Variants in SGCZ observed in about 807,000 individuals in gnomAD.
SGCZ encodes zeta-sarcoglycan.
A neutral mutation model predicts 41.3 loss-of-function variants in SGCZ; 40 were observed. The ratio of observed to expected loss-of-function variants is 0.97; its 90% CI spans 0.75 to 1.26. The LOEUF (loss-of-function observed/expected upper bound fraction) is 1.26, where lower values mean the gene tolerates loss of function less well. SGCZ is among the 50% of genes most tolerant of loss of function. SGCZ has a pLI of 0.00. For missense variants in SGCZ, 552 were observed against 369.8 expected (o/e 1.49, Z -4.04); for synonymous variants, 206 against 137.5 (o/e 1.50, Z -3.49).
intron 1 of SGCZ, among the ~76,000 whole-genome samples, chr8:15,131,783 T>A (rs1440476537): frequency 2.0e-5 from 3 of 152,124 alleles, no homozygotes; most frequent in Admixed American, 1.3e-4. Flanking sequence ...AAACTAGCCA[T>A]GAGGCTGGCA....
At chr8:14,206,346 A>G (rs1243960141) in intron 4 of SGCZ, among the ~76,000 whole-genome samples, 2 of 152,188 alleles carry the variant, frequency 1.3e-5, no homozygotes, top group Non-Finnish European at 2.9e-5. Context: ...CCAGTCAATT[A>G]TTTGGTACTT....
intron 1 of SGCZ, among the ~76,000 whole-genome samples, chr8:14,811,948 C>A (rs1801750794): frequency 6.6e-6 from 1 of 151,776 alleles, no homozygotes; most frequent in Admixed American, 6.6e-5. Flanking sequence ...AATTAATTAT[C>A]CTGAGCTGGA....
rs1447011952 is a variant in SGCZ, at chr8:14,886,034, TAA to T, written c.40-331110_40-331109del. Among the ~76,000 whole-genome samples the T allele has an allele frequency of 3.6e-5, 4 of 112,402 alleles. No individual in the cohort carries two copies. The East Asian group carries it at 8.1e-4, about 23-fold the overall frequency. The allele number at this position is 112,402 out of a possible 152,430, so 73.7% of individuals were successfully genotyped here. A position where few individuals can be genotyped will look rare whatever the true frequency, so the allele number is the denominator to read the frequency against. On this transcript the variant is annotated intron_variant, in intron 1 of 7. Transcript: ENST00000382080. Reference sequence around the variant, plus strand: ...ATATATATATATATATATATATATATAAAATTGTATACTTAGCTTTTTCACTT... The same window carrying T: ...ATATATATATATATATATATATATATAATTGTATACTTAGCTTTTTCACTT...
intron 1 of SGCZ, among the ~76,000 whole-genome samples, chr8:15,071,141 T>C (rs549332664): frequency 1.6e-4 from 24 of 152,178 alleles, no homozygotes; most frequent in Non-Finnish European, 3.1e-4. Flanking sequence ...AAGTTCCCTA[T>C]TTAATTTATA....
intron 1 of SGCZ, among the ~76,000 whole-genome samples, chr8:14,781,529 TA>T (rs1800587428): frequency 6.6e-6 from 1 of 152,008 alleles, no homozygotes; most frequent in African/African-American, 2.4e-5. Context: ...ACGCCCAGAC[TA>T]AAAATATGTT....
At chr8:14,883,785 T>G (rs1032068995) in intron 1 of SGCZ, among the ~76,000 whole-genome samples, 1 of 151,094 alleles carries the variant, frequency 6.6e-6, no homozygotes, top group African/African-American at 2.4e-5. Flanking sequence ...TGTTTTTTTT[T>G]TTTTTTTTTT....
rs149102967 is a variant in SGCZ, at chr8:14,954,491, T to C, written c.39+283094A>G. On this transcript the variant is annotated intron_variant, in intron 1 of 7. Coordinates refer to ENST00000382080, the MANE Select transcript of SGCZ (RefSeq NM_139167.4). ...GCAGCTTGTTAAAACCAGTAAAAGA[T>C]GGCAAAGTTATGTAATGCAGCTTCC... Among the ~76,000 whole-genome samples, 602 of 152,254 alleles carry C rather than the reference T, an allele frequency of 4.0e-3. 5 individuals are homozygous for C. The highest frequency in any genetic ancestry group is 0.014 in the African/African-American group (576 of 41,560).
At chr8:14,489,746 G>C (rs922333672) in intron 2 of SGCZ, among the ~76,000 whole-genome samples, 1 of 151,890 alleles carries the variant, frequency 6.6e-6, no homozygotes, top group East Asian at 1.9e-4. Flanking sequence ...CTCTGTGAGA[G>C]GTTAGGAATC....
intron 3 of SGCZ, among the ~76,000 whole-genome samples, chr8:14,256,152 A>T (rs893317933): frequency 6.6e-6 from 1 of 152,166 alleles, no homozygotes; most frequent in Non-Finnish European, 1.5e-5. Flanking sequence ...GATATATAAA[A>T]TGCTTTCTTT....
At chr8:15,091,308 C>G (rs114960541) in intron 1 of SGCZ, among the ~76,000 whole-genome samples, 127 of 152,268 alleles carry the variant, frequency 8.3e-4, no homozygotes, top group African/African-American at 2.7e-3. Flanking sequence ...GTGTGTGTTA[C>G]CACACCTGGC....
intron 5 of SGCZ, among the ~76,000 whole-genome samples, chr8:14,153,703 C>T (rs1803784355): frequency 6.6e-6 from 1 of 152,010 alleles, no homozygotes; most frequent in Admixed American, 6.6e-5. Context: ...GGCTAAGGAC[C>T]ACATAGCCAT....
At chr8:14,913,077 A>C (rs917247080) in intron 1 of SGCZ, among the ~76,000 whole-genome samples, 3 of 152,096 alleles carry the variant, frequency 2.0e-5, no homozygotes, top group Non-Finnish European at 2.9e-5. Context: ...TGGTAGAATA[A>C]ATAGAAAGAA....
At chr8:14,779,968 C>T (rs190580765) in intron 1 of SGCZ, among the ~76,000 whole-genome samples, 11 of 152,082 alleles carry the variant, frequency 7.2e-5, no homozygotes, top group Non-Finnish European at 1.5e-4. Context: ...GGGTTTCTCA[C>T]GGACATATCA....
intron 2 of SGCZ, among the ~76,000 whole-genome samples, chr8:14,481,007 A>G (rs1465771049): frequency 6.6e-6 from 1 of 152,088 alleles, no homozygotes; most frequent in African/African-American, 2.4e-5. Context: ...ATTTATCAAT[A>G]GATGCTCTCA....
At chr8:14,615,272 C>CA (rs1241015977) in intron 1 of SGCZ, among the ~76,000 whole-genome samples, 1 of 152,228 alleles carries the variant, frequency 6.6e-6, no homozygotes, top group Admixed American at 6.5e-5. Flanking sequence ...AAGAATATAG[C>CA]AAACAGCCAG....
intron 1 of SGCZ, among the ~76,000 whole-genome samples, chr8:14,673,249 C>G (rs185992628): frequency 2.9e-4 from 44 of 152,294 alleles, no homozygotes; most frequent in Non-Finnish European, 4.4e-5. Flanking sequence ...TGTATCCCCA[C>G]CCAAATCTCA....
At chr8:14,461,971 T>C (rs761165539) in intron 2 of SGCZ, among the ~76,000 whole-genome samples, 14 of 152,094 alleles carry the variant, frequency 9.2e-5, no homozygotes, top group Non-Finnish European at 5.9e-5. Context: ...TAATACTTAG[T>C]AGGCATTTGG....
chr8:14,763,117 A>C (rs1799941538), intron 1 of SGCZ, among the ~76,000 whole-genome samples: 1 of 152,182 alleles, frequency 6.6e-6, no homozygotes, highest in Non-Finnish European at 1.5e-5. Context: ...TAAGTTCTTT[A>C]AAATGTGTTG....
chr8:14,676,924 C>G (rs1332833616), intron 1 of SGCZ, among the ~76,000 whole-genome samples: 1 of 151,998 alleles, frequency 6.6e-6, no homozygotes, highest in Non-Finnish European at 1.5e-5. Context: ...TGCCTCTTCT[C>G]GTCACTCTTT....
Sources: allele counts gnomAD v4.1 joint callset (sites outside exome capture counted in the v4.1 genomes callset), GRCh38; gene constraint gnomAD v4.1.1; transcripts MANE v1.5; gene names NCBI Gene and HGNC (gene_info 2026-07-23, HGNC 2026-07-21).